The following RYR2 variants were observed in gnomAD, a reference collection of about 807,000 sequenced individuals.
The protein encoded by RYR2 is ryanodine receptor 2.
In RYR2, 227 loss-of-function variants were observed where a neutral mutation model predicts 601.1. That is an observed-to-expected ratio of 0.38 (90% confidence interval 0.34 to 0.42). The LOEUF is 0.42. RYR2 is among the 10% of genes least tolerant of loss of function. RYR2 has a pLI of 1.00. For synonymous variants in RYR2, 2,223 were observed against 2,175.1 expected (o/e 1.02, Z -0.61); for missense variants, 4,646 against 6,156.5 (o/e 0.75, Z 8.21).
chr1:237,663,917 A>G (rs1019302562), intron 56 of RYR2, among the ~76,000 whole-genome samples: 5 of 152,226 alleles, frequency 3.3e-5, no homozygotes, highest in African/African-American at 4.8e-5. Context: ...AGAATATACA[A>G]TAGAGTATAT....
chr1:237,668,010 G>A, intron 58 of RYR2, 52 bp downstream of exon 58: 2 of 1,378,306 alleles, frequency 1.5e-6, no homozygotes, highest in Non-Finnish European at 2.0e-6. Flanking sequence ...TCAATTCCAT[G>A]AGTGTATGGA....
chr1:237,083,121 A>G (rs1324676251), intron 1 of RYR2, among the ~76,000 whole-genome samples: 2 of 152,212 alleles, frequency 1.3e-5, no homozygotes. Context: ...GAGAGCCATC[A>G]GCAGTTACCC....
rs962883331 is a variant in RYR2 at position 237,791,016 on chromosome 1, T to A, written c.13477-413T>A. Among the ~76,000 whole-genome samples the A allele has an allele frequency of 2.0e-5, 3 of 151,820 alleles. No homozygotes were observed. The East Asian group carries it at 5.8e-4, about 30-fold the overall frequency. On this transcript the variant is annotated intron_variant, in intron 92 of 104. Coordinates refer to ENST00000366574, the MANE Select transcript of RYR2 (RefSeq NM_001035.3). The stretch of plus-strand genomic sequence containing the variant: ...AGGGCCTCTGCCCTTGTTGCTCCTC[T>A]CTTTGACACACTCTTTCTTTCCCCA...
chr1:237,605,648 A>G (rs146494678), intron 35 of RYR2, among the ~76,000 whole-genome samples: 134,366 of 151,664 alleles, frequency 0.89, 61,009 homozygotes, highest in East Asian at 0.99. Context: ...CAGATGACAT[A>G]ATTGTATATT....
intron 29 of RYR2, among the ~76,000 whole-genome samples, chr1:237,583,108 A>G (rs1286528283): frequency 2.6e-5 from 4 of 152,040 alleles, no homozygotes; most frequent in African/African-American, 9.7e-5. Flanking sequence ...TTGACTTTTT[A>G]ATAATAGCCA....
intron 4 of RYR2, among the ~76,000 whole-genome samples, chr1:237,362,631 C>T (rs1699872120): frequency 6.6e-6 from 1 of 152,128 alleles, no homozygotes; most frequent in Non-Finnish European, 1.5e-5. Context: ...CTTCTTTTCC[C>T]TTAAACGATC....
At chr1:237,357,922 G>T (rs4634897) in intron 4 of RYR2, among the ~76,000 whole-genome samples, 38,014 of 152,050 alleles carry the variant, frequency 0.25, 5,022 homozygotes, top group East Asian at 0.37. Context: ...TTTAGAACAC[G>T]GATGATCACT....
chr1:237,233,762 C>G (rs1685244502), intron 1 of RYR2, among the ~76,000 whole-genome samples: 1 of 152,164 alleles, frequency 6.6e-6, no homozygotes, highest in Admixed American at 6.5e-5. Context: ...TCAAGGGATT[C>G]TCCTGCCTCA....
intron 1 of RYR2, among the ~76,000 whole-genome samples, chr1:237,132,020 G>C (rs1672224351): frequency 6.6e-6 from 1 of 152,164 alleles, no homozygotes; most frequent in South Asian, 2.1e-4. Context: ...CACCGTGTCT[G>C]GCCCAAGTAT....
chr1:237,549,288 T>C (rs1239138986), intron 26 of RYR2, among the ~76,000 whole-genome samples: 4 of 152,094 alleles, frequency 2.6e-5, no homozygotes, highest in South Asian at 2.1e-4. Flanking sequence ...CAAAACAGTA[T>C]TTCTGGCTGG....
At chr1:237,205,914 C>T (rs1005058410) in intron 1 of RYR2, among the ~76,000 whole-genome samples, 6 of 152,170 alleles carry the variant, frequency 3.9e-5, no homozygotes, top group South Asian at 2.1e-4. Flanking sequence ...AACTGGAAGC[C>T]GTGAGTCAGA....
intron 1 of RYR2, among the ~76,000 whole-genome samples, chr1:237,163,284 A>G (rs1421153013): frequency 6.6e-6 from 1 of 152,002 alleles, no homozygotes; most frequent in Non-Finnish European, 1.5e-5. Flanking sequence ...ATTCCCATCA[A>G]TAGCATTTCC....
rs1288655639 is a variant in RYR2, at chr1:237,500,731, A to G, written c.2224A>G (p.Ser742Gly). The change falls in exon 21 of 105, where the codon AGC becomes GGC. Residue 742 changes from serine to glycine, a missense_variant. This residue lies in a region of RYR2 where 1,807 missense variants were observed against 2,088.1 expected (regional missense o/e 0.87). Coordinates refer to ENST00000366574, the MANE Select transcript of RYR2 (RefSeq NM_001035.3). The stretch of plus-strand genomic sequence containing the variant: ...AATAGGTTGTATTGCTCGTACTGTA[A>G]GCTCACCAAACCAACATCTGTTAAG... The part of the protein sequence containing the change: ...LWSGCIARTV[S>G]SPNQHLLRTD... 2 of 1,610,782 alleles carry G rather than the reference A, an allele frequency of 1.2e-6. No individual in the cohort carries two copies. The highest frequency in any genetic ancestry group is 2.2e-5 in the South Asian group (2 of 90,920).
intron 13 of RYR2, among the ~76,000 whole-genome samples, chr1:237,443,252 G>GC (rs1708068868): frequency 6.6e-6 from 1 of 151,316 alleles, no homozygotes; most frequent in Non-Finnish European, 1.5e-5. Flanking sequence ...ATCTCAGCTT[G>GC]CTGTTCTTTC....
chr1:237,239,387 C>CG (rs1220020149), intron 1 of RYR2, among the ~76,000 whole-genome samples: 1 of 152,034 alleles, frequency 6.6e-6, no homozygotes, highest in African/African-American at 2.4e-5. Flanking sequence ...GTGAAATGCA[C>CG]GGGGTTTTAT....
chr1:237,238,447 C>A (rs1335403542), intron 1 of RYR2, among the ~76,000 whole-genome samples: 5 of 152,204 alleles, frequency 3.3e-5, no homozygotes, highest in Non-Finnish European at 7.3e-5. Context: ...CAAGCTGTAA[C>A]CTGACTACCT....
At chr1:237,443,229 A>T (rs544560836) in intron 13 of RYR2, among the ~76,000 whole-genome samples, 8 of 151,438 alleles carry the variant, frequency 5.3e-5, no homozygotes, top group African/African-American at 7.3e-5. Context: ...TATCTCACCC[A>T]GCTCACCTTT....
intron 101 of RYR2, among the ~76,000 whole-genome samples, chr1:237,820,064 A>G (rs960514840): frequency 6.6e-6 from 1 of 150,918 alleles, no homozygotes; most frequent in African/African-American, 2.4e-5. Context: ...GTGTGAACCT[A>G]TAATCCCAGC....
intron 17 of RYR2, among the ~76,000 whole-genome samples, chr1:237,481,579 A>G (rs1351087830): frequency 1.3e-5 from 2 of 152,178 alleles, no homozygotes; most frequent in African/African-American, 2.4e-5. Flanking sequence ...ACGTTTCTAT[A>G]GTTCCTACTT....
Sources: allele counts gnomAD v4.1 joint callset (sites outside exome capture counted in the v4.1 genomes callset), GRCh38; gene constraint gnomAD v4.1.1; regional missense constraint gnomAD v4.1.1; transcripts MANE v1.5; gene names NCBI Gene and HGNC (gene_info 2026-07-23, HGNC 2026-07-21).